The following NOP14 variants were observed in gnomAD, a reference collection of about 807,000 sequenced individuals.
The protein encoded by NOP14 is nucleolar protein 14.
A neutral mutation model predicts 101.6 loss-of-function variants in NOP14; 57 were observed. The ratio of observed to expected loss-of-function variants is 0.56; its 90% CI spans 0.45 to 0.70. The LOEUF (loss-of-function observed/expected upper bound fraction) is 0.70, where lower values mean the gene tolerates loss of function less well. NOP14 is among the 30% of genes least tolerant of loss of function. The probability of loss-of-function intolerance (pLI) is 0.00; values close to 1 mark genes in which losing one functional copy is unlikely to be tolerated. For missense variants in NOP14, 1,134 were observed against 1,075.5 expected, an observed-to-expected ratio of 1.05 and a Z score of -0.76; for synonymous variants, 428 against 424.0, an observed-to-expected ratio of 1.01 and a Z score of -0.12.
chr4:2,942,549 G>A (rs765786584), intron 13 of NOP14, among the ~76,000 whole-genome samples, 198 bp from the exon 14 acceptor site: 4 of 152,212 alleles, frequency 2.6e-5, no homozygotes, highest in African/African-American at 9.7e-5. Flanking sequence ...GGCAGGGGGC[G>A]CGGTGAGAGC....
intron 1 of NOP14, chr4:2,961,548 C>T (rs1715905560): frequency 6.6e-6 from 1 of 152,184 alleles, no homozygotes; most frequent in African/African-American, 2.4e-5. Flanking sequence ...GGCCTCACGG[C>T]CCCTACACGC....
chr4:2,951,076 AAAG>A (rs753808859), intron 7 of NOP14, 35 bp downstream of exon 7: 70 of 1,545,946 alleles, frequency 4.5e-5, no homozygotes, highest in Non-Finnish European at 5.0e-5. Flanking sequence ...TAAATTAAAA[AAAG>A]AGAGAGAAAG....
Position 2,944,237 on chromosome 4 carries a change from A to G in NOP14, c.1738-11T>C. The G allele has an allele frequency of 6.2e-7, 1 of 1,608,410 alleles. No homozygotes were observed. The highest frequency in any genetic ancestry group is 8.5e-7 in the Non-Finnish European group (1 of 1,178,312). ...GGACAGGATGGGGCACTGGAAAGGA[A>G]CATATGGGGGGTTACTGTCCTGGGA... On this transcript the variant is annotated splice_polypyrimidine_tract_variant and intron_variant, in intron 12 of 17. Coordinates refer to ENST00000416614, the MANE Select transcript of NOP14 (RefSeq NM_001291978.2).
intron 1 of NOP14, among the ~76,000 whole-genome samples, chr4:2,959,409 G>T (rs1031604091): frequency 6.6e-6 from 1 of 152,100 alleles, no homozygotes; most frequent in Non-Finnish European, 1.5e-5. Flanking sequence ...TGGGTAACAT[G>T]GTGAAACCCC....
At position 2,953,631 on chromosome 4, in the gene NOP14, A is replaced by G. The variant is rs751831614; in HGVS notation, c.627T>C (p.Ala209=). 2 of 1,614,098 alleles carry G rather than the reference A, an allele frequency of 1.2e-6. No homozygotes were observed. Among genetic ancestry groups the G allele is most frequent in the Non-Finnish European group, 1.7e-6 (2 of 1,180,022 alleles). The change falls in exon 5 of 18, where the codon GCT becomes GCC. Residue 209 remains alanine, a synonymous_variant. Coordinates refer to ENST00000416614, the MANE Select transcript of NOP14 (RefSeq NM_001291978.2). Reference sequence around the variant, plus strand: ...TGAGCTCGAGGGCATCTTCTCGTTGAGCTTGTCTCTCCCTCTGGGGAAAAA... The same window carrying G: ...TGAGCTCGAGGGCATCTTCTCGTTGGGCTTGTCTCTCCCTCTGGGGAAAAA... The part of the protein sequence containing the change: ...KSKQEKRERQ[A]QREDALELTE...
chr4:2,953,651 G>A lies in NOP14; in HGVS notation c.613-6C>T. On this transcript the variant is annotated splice_polypyrimidine_tract_variant and splice_region_variant and intron_variant, in intron 4 of 17. Coordinates refer to ENST00000416614, the MANE Select transcript of NOP14 (RefSeq NM_001291978.2). The stretch of plus-strand genomic sequence containing the variant: ...CGTTGAGCTTGTCTCTCCCTCTGGG[G>A]AAAAAATAACAGACACACACCACAT... 1 of 1,613,814 alleles carries A rather than the reference G, an allele frequency of 6.2e-7. No individual in the cohort carries two copies. The highest frequency in any genetic ancestry group is 8.5e-7 in the Non-Finnish European group (1 of 1,179,936).
intron 15 of NOP14, among the ~76,000 whole-genome samples, chr4:2,939,905 A>G (rs541941212): frequency 4.5e-4 from 69 of 152,084 alleles, no homozygotes; most frequent in African/African-American, 1.5e-3. Flanking sequence ...CCCTGAGAGC[A>G]CTCTCTGAAA....
At chr4:2,957,798 G>A (rs965991359) in intron 1 of NOP14, 58 bp from the exon 2 acceptor site, 3 of 1,585,884 alleles carry the variant, frequency 1.9e-6, no homozygotes, top group South Asian at 1.1e-5. Flanking sequence ...CACTACAGGG[G>A]ACATCAGAAC....
In NOP14 at chr4:2,949,979, T is replaced by C. The variant is rs773198974; in HGVS notation, c.1237A>G (p.Arg413Gly). The C allele has an allele frequency of 1.9e-6, 3 of 1,614,170 alleles. No individual in the cohort carries two copies. Among genetic ancestry groups the C allele is most frequent in the Non-Finnish European group, 2.5e-6 (3 of 1,180,036 alleles). Residue 413 changes from arginine to glycine, a missense_variant, in exon 8 of 18, where the codon AGA becomes GGA. Physicochemically the swap from Arg to Gly is moderately radical, Grantham distance 125 (BLOSUM62 -2). Transcript: ENST00000416614. ...TCGTCTCTGGTAGCTTTTCCAGCTCTTTCCTTGCCGCTTATCAACCCTTTC... is the reference window on the plus strand; with the variant it reads ...TCGTCTCTGGTAGCTTTTCCAGCTCCTTCCTTGCCGCTTATCAACCCTTTC... ...PGKGLISGKERAGKATRDELP... is the reference protein window; with the variant it reads ...PGKGLISGKEGAGKATRDELP...
intron 8 of NOP14, 47 bp from the exon 9 acceptor site, chr4:2,948,455 G>GTA: frequency 1.5e-6 from 2 of 1,366,676 alleles, no homozygotes; most frequent in Non-Finnish European, 2.0e-6. Flanking sequence ...TTATATATAT[G>GTA]TATATATATT....
At chr4:2,947,673 C>G in intron 9 of NOP14, 62 bp from the exon 10 acceptor site, 1 of 1,332,170 alleles carries the variant, frequency 7.5e-7, no homozygotes, top group Non-Finnish European at 1.1e-6. Context: ...AAGCCACAGG[C>G]ACACAGCTTC....
intron 13 of NOP14, among the ~76,000 whole-genome samples, chr4:2,943,118 G>A (rs1577823800): frequency 1.3e-5 from 2 of 152,310 alleles, no homozygotes; most frequent in African/African-American, 2.4e-5. Context: ...GCATGTGGGC[G>A]GCCGCGCCCC....
intron 15 of NOP14, among the ~76,000 whole-genome samples, chr4:2,940,033 C>T (rs1034744838): frequency 6.6e-6 from 1 of 152,232 alleles, no homozygotes; most frequent in Admixed American, 6.5e-5. Flanking sequence ...CCACTTGCTT[C>T]GTGAGAAGGC....
At chr4:2,954,321 T>A in intron 4 of NOP14, 103 bp downstream of exon 4, 1 of 1,339,884 alleles carries the variant, frequency 7.5e-7, no homozygotes, top group Non-Finnish European at 1.0e-6. Flanking sequence ...TCATATAAAA[T>A]ATTAAACACA....
rs1486329800 is a variant in NOP14 at position 2,945,276 on chromosome 4, ATCCATATGCCC to A, written c.1636-58_1636-48del. 2.2e-6 allele frequency: 3 copies of A among 1,380,098 alleles called. No individual in the cohort carries two copies. In the African/African-American group the frequency reaches 4.3e-5, roughly 20 times the overall value. The allele number at this position is 1,380,098 out of a possible 1,614,324, so 85.5% of individuals were successfully genotyped here. ...AGGTTAAAGAAGGTAAATGAAGTCC[ATCCATATGCCC>A]TCCCCGCAAACACTCCGGAGCCAAG... On this transcript the variant is annotated intron_variant, in intron 11 of 17. Transcript: ENST00000416614.
At chr4:2,950,347 A>C in intron 7 of NOP14, 134 bp from the exon 8 acceptor site, 5 of 933,356 alleles carry the variant, frequency 5.4e-6, no homozygotes, top group Non-Finnish European at 8.1e-6. Flanking sequence ...TGTGTGCTCC[A>C]TTTGCCCACT....
In NOP14 at chr4:2,950,013, C is replaced by G. The variant is rs144467017; in HGVS notation, c.1203G>C (p.Gln401His). 6.2e-7 allele frequency: 1 copy of G among 1,614,220 alleles called. No individual in the cohort carries two copies. The stretch of plus-strand genomic sequence containing the variant: ...CGCTTATCAACCCTTTCCCAGGAGT[C>G]TGCCTCTGCTCTTTTGCTGGCTTCT... Reference protein sequence around the residue: ...ENEKPAKEQRQTPGKGLISGK... With the variant: ...ENEKPAKEQRHTPGKGLISGK... The change falls in exon 8 of 18, where the codon CAG becomes CAC. Residue 401 changes from glutamine (Q) to histidine (H), a missense_variant. Coordinates refer to ENST00000416614, the MANE Select transcript of NOP14 (RefSeq NM_001291978.2).
chr4:2,956,467 A>G (rs533093103), intron 3 of NOP14, among the ~76,000 whole-genome samples: 2 of 152,268 alleles, frequency 1.3e-5, no homozygotes, highest in African/African-American at 4.8e-5. Flanking sequence ...CTATCTACAC[A>G]CCATCTTAAA....
chr4:2,960,826 C>CATT (rs1302995309), intron 1 of NOP14, among the ~76,000 whole-genome samples: 7 of 56,404 alleles, frequency 1.2e-4, no homozygotes, highest in African/African-American at 5.9e-4. Context: ...ATCACATTAT[C>CATT]AATATATTAA....
Sources: allele counts gnomAD v4.1 joint callset (sites outside exome capture counted in the v4.1 genomes callset), GRCh38; gene constraint gnomAD v4.1.1; transcripts MANE v1.5; gene names NCBI Gene and HGNC (gene_info 2026-07-23, HGNC 2026-07-21).